The following CFHR4 variants were observed in gnomAD, a reference collection of about 807,000 sequenced individuals.
The protein encoded by CFHR4 is complement factor H-related protein 4.
Under a neutral mutation model 69.3 loss-of-function variants are expected in CFHR4, and 64 were observed. The ratio of observed to expected loss-of-function variants is 0.92; its 90% CI spans 0.76 to 1.14. The LOEUF (loss-of-function observed/expected upper bound fraction) is 1.14. Ranked by LOEUF, CFHR4 falls within the 50% of genes most tolerant of loss-of-function variation. The probability of loss-of-function intolerance (pLI) is 0.00; values close to 1 mark genes in which losing one functional copy is unlikely to be tolerated. For synonymous variants in CFHR4, 244 were observed against 237.0 expected (o/e 1.03, Z -0.27); for missense variants, 636 against 684.9 (o/e 0.93, Z 0.80).
intron 1 of CFHR4, among the ~76,000 whole-genome samples, chr1:196,890,353 T>A (rs1656956717): frequency 6.6e-6 from 1 of 151,702 alleles, no homozygotes; most frequent in African/African-American, 2.4e-5. Context: ...ACTTTGTTTT[T>A]AATGGTAGTT....
intron 5 of CFHR4, among the ~76,000 whole-genome samples, chr1:196,909,127 ATT>A (rs1355238489): frequency 6.6e-6 from 1 of 151,556 alleles, no homozygotes; most frequent in Admixed American, 6.6e-5. Context: ...TCAGAGATAA[ATT>A]CTGAGTCTTA....
rs1362210399 is a variant in CFHR4, at chr1:196,902,030, A to G, written c.59-388A>G. ...AATTTTTTAAAATCCTCAAAAAACTACTATCTCCCACTCTAGAGTTGGTCT... is the reference window on the plus strand; with the variant it reads ...AATTTTTTAAAATCCTCAAAAAACTGCTATCTCCCACTCTAGAGTTGGTCT... On this transcript the variant is annotated intron_variant, in intron 1 of 9. Coordinates refer to ENST00000608469, the MANE Select transcript of CFHR4 (RefSeq NM_001201550.3). Among the ~76,000 whole-genome samples, 3 of 151,508 alleles carry G rather than the reference A, an allele frequency of 2.0e-5. 1 individual carries two copies. The highest frequency in any genetic ancestry group is 7.3e-5 in the African/African-American group (3 of 41,044).
chr1:196,908,841 T>A (rs944303924), intron 5 of CFHR4, among the ~76,000 whole-genome samples: 5 of 151,490 alleles, frequency 3.3e-5, no homozygotes. Context: ...AAGCAGTTCT[T>A]TTCTGTGATA....
intron 1 of CFHR4, among the ~76,000 whole-genome samples, chr1:196,899,224 T>A (rs375235125): frequency 6.6e-6 from 1 of 151,576 alleles, no homozygotes; most frequent in Non-Finnish European, 1.5e-5. Flanking sequence ...CATATTCTTT[T>A]TTTTTTCTAT....
chr1:196,911,120 T>C (rs1005325331), intron 6 of CFHR4, among the ~76,000 whole-genome samples: 2 of 118,176 alleles, frequency 1.7e-5, no homozygotes, highest in African/African-American at 3.2e-5. Flanking sequence ...AGTATGTCCT[T>C]AACTGTCTAA....
chr1:196,912,498 TGTTGACA>T (rs775985316), intron 6 of CFHR4, among the ~76,000 whole-genome samples: 1 of 151,300 alleles, frequency 6.6e-6, no homozygotes, highest in Non-Finnish European at 1.5e-5. Flanking sequence ...GCCAGAGCTC[TGTTGACA>T]GTCTCAAGGA....
At chr1:196,897,440 A>G (rs1657361345) in intron 1 of CFHR4, among the ~76,000 whole-genome samples, 1 of 151,532 alleles carries the variant, frequency 6.6e-6, no homozygotes. Flanking sequence ...GCCTGGGGCC[A>G]GTGTGACAGA....
At chr1:196,896,969 A>C (rs1657333670) in intron 1 of CFHR4, among the ~76,000 whole-genome samples, 1 of 151,568 alleles carries the variant, frequency 6.6e-6, no homozygotes, top group Non-Finnish European at 1.5e-5. Flanking sequence ...CATATGTATA[A>C]ATACGCTGTG....
chr1:196,895,761 A>G (rs1198326953), intron 1 of CFHR4, among the ~76,000 whole-genome samples: 1 of 151,366 alleles, frequency 6.6e-6, no homozygotes, highest in Non-Finnish European at 1.5e-5. Context: ...TTTTCAGGGA[A>G]ACTTTCAGTT....
chr1:196,899,931 G>C (rs1158963288), intron 1 of CFHR4, among the ~76,000 whole-genome samples: 4 of 151,546 alleles, frequency 2.6e-5, no homozygotes, highest in African/African-American at 4.9e-5. Context: ...TCTGCCCATA[G>C]TTTAACGGTT....
Position 196,899,163 on chromosome 1 carries a change from T to A in CFHR4, c.59-3255T>A, listed in dbSNP as rs537647021. 4.0e-5 allele frequency among the ~76,000 whole-genome samples: 6 copies of A among 151,722 alleles called. 1 individual carries two copies. Among genetic ancestry groups the A allele is most frequent in the African/African-American group, 1.5e-4 (6 of 41,244 alleles). The stretch of plus-strand genomic sequence containing the variant: ...TCTCTCACGTCAATAGGGTGTTTTA[T>A]TTCTATGATGGTTCCTTTGCCTTTT... On this transcript the variant is annotated intron_variant, in intron 1 of 9. Coordinates refer to ENST00000608469, the MANE Select transcript of CFHR4 (RefSeq NM_001201550.3).
chr1:196,910,402 T>C lies in CFHR4; in HGVS notation c.921T>C (p.Phe307=). 1 of 1,612,814 alleles carries C rather than the reference T, an allele frequency of 6.2e-7. No individual in the cohort carries two copies. Among genetic ancestry groups the C allele is most frequent in the Non-Finnish European group, 8.5e-7 (1 of 1,179,604 alleles). ...QSYSYYCDQN[F]VTPSGSYWDY... ...ACTCCTATTACTGTGACCAAAATTT[T>C]GTGACTCCTTCAGGAAGTTACTGGG... The change falls in exon 6 of 10, where the codon TTT becomes TTC. Residue 307 remains phenylalanine, a synonymous_variant. Transcript: ENST00000608469.
At chr1:196,902,396 GT>G in intron 1 of CFHR4, 21 bp from the exon 2 acceptor site, 2 of 1,496,466 alleles carry the variant, frequency 1.3e-6, no homozygotes, top group Non-Finnish European at 1.8e-6. Context: ...TATTTATACT[GT>G]TTTTTGTTTT....
intron 1 of CFHR4, among the ~76,000 whole-genome samples, chr1:196,897,160 G>C (rs1214004689): frequency 6.6e-6 from 1 of 151,546 alleles, no homozygotes; most frequent in African/African-American, 2.4e-5. Flanking sequence ...AGATGAAATG[G>C]GGGAGTTCCC....
Position 196,912,833 on chromosome 1 carries a change from G to A in CFHR4, c.1091G>A (p.Cys364Tyr), listed in dbSNP as rs749670237. 4.3e-6 allele frequency: 7 copies of A among 1,609,652 alleles called. No individual in the cohort carries two copies. Among genetic ancestry groups the A allele is most frequent in the Non-Finnish European group, 5.9e-6 (7 of 1,178,104 alleles). The change falls in exon 7 of 10, where the codon TGT (cysteine) becomes TAT (tyrosine). Residue 364 changes from cysteine (C) to tyrosine (Y), a missense_variant. Physicochemically the swap from Cys to Tyr is radical, Grantham distance 194. Transcript: ENST00000608469. The stretch of plus-strand genomic sequence containing the variant: ...TTAAATAAAGAAATACAATATAAAT[G>A]TAAACCAGGATATGCAACAGCAGAT... ...YILNKEIQYK[C>Y]KPGYATADGN...
chr1:196,917,757 C>T (rs1187769357), intron 9 of CFHR4, among the ~76,000 whole-genome samples: 15 of 151,388 alleles, frequency 9.9e-5, no homozygotes, highest in African/African-American at 2.9e-4. Flanking sequence ...TTTTTCTACA[C>T]TGTGGGCATA....
At chr1:196,894,708 T>G (rs533913114) in intron 1 of CFHR4, among the ~76,000 whole-genome samples, 1 of 151,502 alleles carries the variant, frequency 6.6e-6, no homozygotes, top group African/African-American at 2.4e-5. Flanking sequence ...TGTGAGAAAT[T>G]GCTTCTCTCT....
chr1:196,917,296 T>C lies in CFHR4; in HGVS notation c.1541-914T>C, dbSNP rs532645467. On this transcript the variant is annotated intron_variant, in intron 9 of 9. Coordinates refer to ENST00000608469, the MANE Select transcript of CFHR4 (RefSeq NM_001201550.3). ...AAAGCTTGCTATGTAAGAACTGACATTTTTATCATGTAAGAATTAGGCTTA... is the reference window on the plus strand; with the variant it reads ...AAAGCTTGCTATGTAAGAACTGACACTTTTATCATGTAAGAATTAGGCTTA... Among the ~76,000 whole-genome samples the C allele has an allele frequency of 3.3e-5, 5 of 152,014 alleles. No individual in the cohort carries two copies. The East Asian group carries it at 9.6e-4, about 29-fold the overall frequency.
intron 6 of CFHR4, among the ~76,000 whole-genome samples, chr1:196,911,347 A>G (rs1419258601): frequency 6.6e-6 from 1 of 151,584 alleles, no homozygotes; most frequent in African/African-American, 2.4e-5. Context: ...TACGGATTAA[A>G]GTAACATTGC....
Sources: allele counts gnomAD v4.1 joint callset (sites outside exome capture counted in the v4.1 genomes callset), GRCh38; gene constraint gnomAD v4.1.1; transcripts MANE v1.5; gene names NCBI Gene and HGNC (gene_info 2026-07-23, HGNC 2026-07-21).